The following AFG1L variants were observed in gnomAD, a reference collection of about 807,000 sequenced individuals.
The protein encoded by AFG1L is AFG1-like ATPase.
Under a neutral mutation model 62.2 loss-of-function variants are expected in AFG1L, and 53 were observed. That is an observed-to-expected ratio of 0.85 (90% CI 0.68 to 1.07). AFG1L has a LOEUF of 1.07. Ranked by LOEUF, AFG1L falls within the 50% of genes least tolerant of loss-of-function variation. The pLI is 0.00. For synonymous variants in AFG1L, 228 were observed against 210.3 expected (o/e 1.08, Z -0.73); for missense variants, 555 against 590.5 (o/e 0.94, Z 0.62).
chr6:108,447,161 T>C lies in AFG1L; in HGVS notation c.808-53T>C, dbSNP rs1489896358. On this transcript the variant is annotated intron_variant, in intron 7 of 12. Transcript: ENST00000368977. ...AATGTATAGTATAAGGGAAGGATTGTAATTCTGAGCCACTACTTGTTTAAA... is the reference window on the plus strand; with the variant it reads ...AATGTATAGTATAAGGGAAGGATTGCAATTCTGAGCCACTACTTGTTTAAA... 7 of 909,984 alleles carry C rather than the reference T, an allele frequency of 7.7e-6. No homozygotes were observed. In the Admixed American group the frequency reaches 1.4e-4, roughly 18 times the overall value. The allele number at this position is 909,984 out of a possible 1,614,324, so 56.4% of individuals were successfully genotyped here. A position where few individuals can be genotyped will look rare whatever the true frequency, so the allele number is the denominator to read the frequency against.
At chr6:108,468,826 T>C (rs1772776946) in intron 8 of AFG1L, among the ~76,000 whole-genome samples, 1 of 151,974 alleles carries the variant, frequency 6.6e-6, no homozygotes, top group Admixed American at 6.6e-5. Flanking sequence ...TTCAATCCTT[T>C]TCCTGCATTT....
intron 7 of AFG1L, among the ~76,000 whole-genome samples, chr6:108,431,597 C>CTTT (rs5878977): frequency 8.1e-5 from 8 of 98,442 alleles, no homozygotes; most frequent in South Asian, 3.8e-4. Context: ...TTCTTTGTTG[C>CTTT]TTTTTTTTTT....
At chr6:108,316,211 C>A (rs1005159478) in intron 1 of AFG1L, among the ~76,000 whole-genome samples, 4 of 150,516 alleles carry the variant, frequency 2.7e-5, no homozygotes, top group Admixed American at 2.6e-4. Context: ...GAAACCCCGT[C>A]TCTACTAAAA....
chr6:108,485,550 G>A (rs1773503024), intron 10 of AFG1L, among the ~76,000 whole-genome samples: 1 of 140,180 alleles, frequency 7.1e-6, no homozygotes, highest in Non-Finnish European at 1.5e-5. Flanking sequence ...ATTTGCCTCA[G>A]TCTTTGAGAG....
At position 108,356,736 on chromosome 6, in the gene AFG1L, C is replaced by A; in HGVS notation, c.564C>A (p.Phe188Leu). The A allele has an allele frequency of 6.2e-7, 1 of 1,612,914 alleles. No homozygotes were observed. The highest frequency in any genetic ancestry group is 8.5e-7 in the Non-Finnish European group (1 of 1,179,302). The change falls in exon 5 of 13, where the codon TTC (phenylalanine) becomes TTA (leucine). Residue 188 changes from phenylalanine (F) to leucine (L), a missense_variant. Phe to Leu is a conservative substitution (Grantham distance 22). Coordinates refer to ENST00000368977, the MANE Select transcript of AFG1L (RefSeq NM_145315.5). Reference sequence around the variant, plus strand: ...GTTTGCCAAAAAGGAAACCAGGATTCATGGCTAAATCATATGACCCAATAG... The same window carrying A: ...GTTTGCCAAAAAGGAAACCAGGATTAATGGCTAAATCATATGACCCAATAG... Reference protein sequence around the residue: ...KQSLPKRKPGFMAKSYDPIAP... With the variant: ...KQSLPKRKPGLMAKSYDPIAP...
chr6:108,316,452 A>T (rs1038828204), intron 1 of AFG1L, among the ~76,000 whole-genome samples: 1 of 150,590 alleles, frequency 6.6e-6, no homozygotes, highest in African/African-American at 2.4e-5. Context: ...GATTAAACAT[A>T]CTCACACATA....
chr6:108,363,088 A>G (rs1367440521), intron 5 of AFG1L, among the ~76,000 whole-genome samples: 1 of 152,200 alleles, frequency 6.6e-6, no homozygotes, highest in Non-Finnish European at 1.5e-5. Flanking sequence ...ATTGCTGCTT[A>G]AAAACATGGA....
intron 1 of AFG1L, among the ~76,000 whole-genome samples, chr6:108,306,924 C>T (rs566446581): frequency 2.0e-5 from 3 of 152,132 alleles, no homozygotes; most frequent in South Asian, 4.1e-4. Context: ...ATCTCACTTG[C>T]GACTCTTAGA....
chr6:108,452,772 A>G (rs1772105960), intron 8 of AFG1L, among the ~76,000 whole-genome samples: 1 of 152,180 alleles, frequency 6.6e-6, no homozygotes, highest in Admixed American at 6.5e-5. Flanking sequence ...CCTTAGTCCC[A>G]TGGAGTGGAG....
At chr6:108,431,359 C>T (rs577843668) in intron 7 of AFG1L, among the ~76,000 whole-genome samples, 91 of 152,224 alleles carry the variant, frequency 6.0e-4, no homozygotes, top group African/African-American at 2.2e-3. Flanking sequence ...CTGCCTCAGC[C>T]TCCCAAAGTG....
At chr6:108,494,478 A>G (rs1306030960) in intron 10 of AFG1L, among the ~76,000 whole-genome samples, 1 of 150,696 alleles carries the variant, frequency 6.6e-6, no homozygotes, top group East Asian at 2.0e-4. Context: ...TTAAAAGGGG[A>G]TGAGAATTTA....
intron 10 of AFG1L, among the ~76,000 whole-genome samples, chr6:108,500,167 C>CGTGT (rs1413385578): frequency 5.5e-5 from 4 of 73,098 alleles, no homozygotes; most frequent in East Asian, 7.6e-4. Context: ...TTCCATGGTG[C>CGTGT]GTGCGTGTGT....
At chr6:108,429,529 G>A (rs1237419337) in intron 7 of AFG1L, among the ~76,000 whole-genome samples, 1 of 152,154 alleles carries the variant, frequency 6.6e-6, no homozygotes, top group Non-Finnish European at 1.5e-5. Context: ...GATGAGATTT[G>A]GGTGGGGACA....
chr6:108,499,058 C>T (rs1382396073), intron 10 of AFG1L, among the ~76,000 whole-genome samples: 1 of 140,586 alleles, frequency 7.1e-6, no homozygotes, highest in African/African-American at 2.9e-5. Context: ...AAACTTCCCT[C>T]CATAAATGTA....
chr6:108,496,349 G>T (rs1773974487), intron 10 of AFG1L, among the ~76,000 whole-genome samples: 1 of 152,176 alleles, frequency 6.6e-6, no homozygotes, highest in African/African-American at 2.4e-5. Context: ...AAGACTTGGT[G>T]ATAGTGTCTT....
At chr6:108,378,960 G>A (rs1327885099) in intron 6 of AFG1L, among the ~76,000 whole-genome samples, 1 of 149,694 alleles carries the variant, frequency 6.7e-6, no homozygotes, top group African/African-American at 2.5e-5. Flanking sequence ...TGCTTGAACA[G>A]CCCTATGCTG....
intron 2 of AFG1L, among the ~76,000 whole-genome samples, chr6:108,344,469 C>A (rs1286990257): frequency 6.6e-6 from 1 of 152,078 alleles, no homozygotes; most frequent in Non-Finnish European, 1.5e-5. Flanking sequence ...TCCACCTGCC[C>A]CAGCTACTCA....
At chr6:108,328,627 T>C (rs1778152315) in intron 2 of AFG1L, among the ~76,000 whole-genome samples, 1 of 151,808 alleles carries the variant, frequency 6.6e-6, no homozygotes, top group South Asian at 2.1e-4. Flanking sequence ...GGTCTTGAAC[T>C]CCTGAGCTCA....
intron 8 of AFG1L, among the ~76,000 whole-genome samples, chr6:108,473,859 A>G (rs973207527): frequency 1.3e-5 from 2 of 152,166 alleles, no homozygotes; most frequent in African/African-American, 4.8e-5. Flanking sequence ...ATGCCCGGCC[A>G]GCTCACTTTT....
Sources: allele counts gnomAD v4.1 joint callset (sites outside exome capture counted in the v4.1 genomes callset), GRCh38; gene constraint gnomAD v4.1.1; transcripts MANE v1.5; gene names NCBI Gene and HGNC (gene_info 2026-07-23, HGNC 2026-07-21).